The following BCAS3 variants were observed in gnomAD, a reference collection of about 807,000 sequenced individuals.
BCAS3 encodes BCAS3 microtubule associated cell migration factor.
A neutral mutation model predicts 116.1 loss-of-function variants in BCAS3; 53 were observed. That is an observed-to-expected ratio of 0.46 (90% CI 0.37 to 0.57). The LOEUF is 0.57. Among genes scored for constraint, BCAS3 ranks in the 20% least tolerant of loss-of-function variants. The probability of loss-of-function intolerance (pLI) is 0.00; values close to 1 mark genes in which losing one functional copy is unlikely to be tolerated. For missense variants in BCAS3, 917 were observed against 1,165.4 expected (o/e 0.79, Z 3.10); for synonymous variants, 391 against 408.2 (o/e 0.96, Z 0.51).
rs1377081637 is a variant in BCAS3, at chr17:61,034,364, C to T, written c.1638-302C>T. Among the ~76,000 whole-genome samples the T allele has an allele frequency of 1.3e-5, 2 of 152,140 alleles. No individual in the cohort carries two copies. The highest frequency in any genetic ancestry group is 4.8e-5 in the African/African-American group (2 of 41,424). Reference sequence around the variant, plus strand: ...GTACTATTGCTTCACTTTGAAATTTCTAGGGAAATGTTACTCATCTGAAAA... The same window carrying T: ...GTACTATTGCTTCACTTTGAAATTTTTAGGGAAATGTTACTCATCTGAAAA... On this transcript the variant is annotated intron_variant, in intron 16 of 23. Transcript: ENST00000407086. The surrounding 1 kb of genome is among the most constrained non-coding windows in gnomAD (Gnocchi z 5.0).
chr17:61,085,588 C>G (rs1032147989), intron 22 of BCAS3, among the ~76,000 whole-genome samples: 2 of 152,122 alleles, frequency 1.3e-5, no homozygotes, highest in South Asian at 4.1e-4. Context: ...TGGATTGTAC[C>G]TTGCATCTTA....
intron 13 of BCAS3, among the ~76,000 whole-genome samples, chr17:60,931,219 AG>A (rs1279631604): frequency 6.6e-6 from 1 of 152,220 alleles, no homozygotes. Context: ...TGTTGCTCTC[AG>A]GGACAAAGTG....
intron 16 of BCAS3, among the ~76,000 whole-genome samples, chr17:61,030,714 G>A (rs557757067): frequency 6.6e-6 from 1 of 151,944 alleles, no homozygotes; most frequent in South Asian, 2.1e-4. Context: ...TTTTTCTTTT[G>A]ATTACATTGA....
In BCAS3 at chr17:61,376,570, T is replaced by G. The variant is rs139372445; in HGVS notation, c.2593+8076T>G. ...CGCCCATGAGACCCAGTCTTGTCTT[T>G]TAATTTTTTCCTCCAAGCCTTACCT... On this transcript the variant is annotated intron_variant, in intron 23 of 23. Coordinates refer to ENST00000407086, the MANE Select transcript of BCAS3 (RefSeq NM_017679.5). The surrounding 1 kb of genome is among the most constrained non-coding windows in gnomAD (Gnocchi z 4.5). Among the ~76,000 whole-genome samples the G allele has an allele frequency of 3.9e-3, 599 of 152,320 alleles. 7 individuals are homozygous for G. The highest frequency in any genetic ancestry group is 0.013 in the African/African-American group (561 of 41,560).
In BCAS3 at chr17:61,051,378, G is replaced by GA. The variant is rs2068841992; in HGVS notation, c.2029+10486_2029+10487insA. On this transcript the variant is annotated intron_variant, in intron 19 of 23. Transcript: ENST00000407086. The surrounding 1 kb of genome is among the most constrained non-coding windows in gnomAD (Gnocchi z 4.1). ...AGGACAGTTCTGTATCTTGATTGTA[G>GA]TGGAGGTTACACCAATTTACACATG... Among the ~76,000 whole-genome samples the GA allele has an allele frequency of 6.7e-6, 1 of 149,672 alleles. No homozygotes were observed. Among genetic ancestry groups the GA allele is most frequent in the Admixed American group, 6.6e-5 (1 of 15,100 alleles).
At chr17:60,686,891 T>C (rs1016238389) in intron 3 of BCAS3, among the ~76,000 whole-genome samples, 1 of 152,208 alleles carries the variant, frequency 6.6e-6, no homozygotes, top group East Asian at 1.9e-4. Context: ...TCAGTATATA[T>C]GAAATTTTTA....
In BCAS3 at chr17:61,248,332, G is replaced by C. The variant is rs908718444; in HGVS notation, c.2426-119995G>C. Among the ~76,000 whole-genome samples, 1 of 152,108 alleles carries C rather than the reference G, an allele frequency of 6.6e-6. No homozygotes were observed. The highest frequency in any genetic ancestry group is 1.5e-5 in the Non-Finnish European group (1 of 68,034). ...TCTATGTTTTCTGTCTTGGGTAAAG[G>C]AATATATTTGTGAATTGTGGCTGAT... is the stretch of plus-strand genomic sequence containing the variant. On this transcript the variant is annotated intron_variant, in intron 22 of 23. Coordinates refer to ENST00000407086, the MANE Select transcript of BCAS3 (RefSeq NM_017679.5). The surrounding 1 kb of genome is among the most constrained non-coding windows in gnomAD (Gnocchi z 4.3).
Position 61,343,137 on chromosome 17 carries a change from T to A in BCAS3, c.2426-25190T>A, listed in dbSNP as rs2057291687. 6.6e-6 allele frequency among the ~76,000 whole-genome samples: 1 copy of A among 151,874 alleles called. No individual in the cohort carries two copies. Among genetic ancestry groups the A allele is most frequent in the African/African-American group, 2.4e-5 (1 of 41,334 alleles). On this transcript the variant is annotated intron_variant, in intron 22 of 23. Coordinates refer to ENST00000407086, the MANE Select transcript of BCAS3 (RefSeq NM_017679.5). The surrounding 1 kb of genome is among the most constrained non-coding windows in gnomAD (Gnocchi z 5.5). ...CAGGCTCCTGGGCCACCGAGGAGGGTCAATTCGTGGAGGGGTGGCACCAAA... is the reference window on the plus strand; with the variant it reads ...CAGGCTCCTGGGCCACCGAGGAGGGACAATTCGTGGAGGGGTGGCACCAAA...
intron 7 of BCAS3, among the ~76,000 whole-genome samples, chr17:60,856,452 G>A (rs1225572028): frequency 1.3e-5 from 2 of 152,120 alleles, no homozygotes; most frequent in Non-Finnish European, 1.5e-5. Context: ...ACTTTCGGGG[G>A]CCAAGGCAGG....
In BCAS3 at chr17:61,139,355, A is replaced by G. The variant is rs765902708; in HGVS notation, c.2425+54791A>G. ...AAGATGTCTGTGATCTGGCCAAACG[A>G]GGTTCACAAATGCTGTTTTCATATT... On this transcript the variant is annotated intron_variant, in intron 22 of 23. Coordinates refer to ENST00000407086, the MANE Select transcript of BCAS3 (RefSeq NM_017679.5). The surrounding 1 kb of genome is among the most constrained non-coding windows in gnomAD (Gnocchi z 4.7). Among the ~76,000 whole-genome samples, 1 of 152,130 alleles carries G rather than the reference A, an allele frequency of 6.6e-6. No individual in the cohort carries two copies. The highest frequency in any genetic ancestry group is 1.5e-5 in the Non-Finnish European group (1 of 68,024).
chr17:60,728,645 A>C (rs1268122516), intron 5 of BCAS3, among the ~76,000 whole-genome samples: 1 of 151,872 alleles, frequency 6.6e-6, no homozygotes, highest in African/African-American at 2.4e-5. Flanking sequence ...ATGCCCAGCT[A>C]ATTTTTGTAC....
intron 21 of BCAS3, among the ~76,000 whole-genome samples, chr17:61,081,781 C>T (rs1258151985): frequency 6.6e-6 from 1 of 152,166 alleles, no homozygotes; most frequent in Non-Finnish European, 1.5e-5. Context: ...TCCTCATTCT[C>T]GTTTATGATC....
At chr17:60,825,198 C>G (rs2144697165) in intron 7 of BCAS3, among the ~76,000 whole-genome samples, 1 of 151,382 alleles carries the variant, frequency 6.6e-6, no homozygotes, top group South Asian at 2.1e-4. Flanking sequence ...TTGTGTTGCA[C>G]TTATGTGCAC....
intron 7 of BCAS3, among the ~76,000 whole-genome samples, chr17:60,844,039 G>A (rs762365346): frequency 1.3e-5 from 2 of 152,108 alleles, no homozygotes; most frequent in Non-Finnish European, 2.9e-5. Context: ...GCGTGATCTC[G>A]GCTCACCGCA....
chr17:60,979,452 G>C (rs527572373), intron 14 of BCAS3, among the ~76,000 whole-genome samples: 13 of 149,400 alleles, frequency 8.7e-5, no homozygotes, highest in East Asian at 1.9e-4. Flanking sequence ...TCTGCAAACA[G>C]GGACAATTTG....
intron 22 of BCAS3, among the ~76,000 whole-genome samples, chr17:61,263,339 A>T (rs2049387766): frequency 6.6e-6 from 1 of 152,238 alleles, no homozygotes; most frequent in South Asian, 2.1e-4. Flanking sequence ...CCCACCTGGC[A>T]GGCCTTCGGT....
At chr17:61,001,422 A>G (rs1375771946) in intron 15 of BCAS3, among the ~76,000 whole-genome samples, 2 of 152,198 alleles carry the variant, frequency 1.3e-5, no homozygotes, top group Admixed American at 1.3e-4. Flanking sequence ...TTGTAAATAC[A>G]AAGCAACCAC....
chr17:60,942,227 A>G (rs896091911), intron 13 of BCAS3, among the ~76,000 whole-genome samples: 5 of 152,152 alleles, frequency 3.3e-5, no homozygotes, highest in African/African-American at 1.2e-4. Flanking sequence ...GGAGTCAGAG[A>G]CCAGCCTGGG....
At chr17:61,216,542 T>TTTATTTTATG (rs1222335669) in intron 22 of BCAS3, among the ~76,000 whole-genome samples, 1 of 151,278 alleles carries the variant, frequency 6.6e-6, no homozygotes, top group African/African-American at 2.4e-5. Context: ...TTTATTTTAT[T>TTTATTTTATG]TTATTTTATT....
Sources: allele counts gnomAD v4.1 joint callset (sites outside exome capture counted in the v4.1 genomes callset), GRCh38; gene constraint gnomAD v4.1.1; non-coding constraint Gnocchi (gnomAD v3.1); transcripts MANE v1.5; gene names NCBI Gene and HGNC (gene_info 2026-07-23, HGNC 2026-07-21).